ANKS1B: variants seen among roughly 807,000 people sequenced by gnomAD.
ANKS1B encodes the protein ankyrin repeat and sterile alpha motif domain containing 1B.
ANKS1B carries 36 observed loss-of-function variants against 148.3 expected under a neutral mutation model. That is an observed-to-expected ratio of 0.24 (90% CI 0.19 to 0.32). The LOEUF (loss-of-function observed/expected upper bound fraction) is 0.32, where lower values mean the gene tolerates loss of function less well. ANKS1B is among the 10% of genes least tolerant of loss of function. The pLI, the probability that ANKS1B is intolerant of heterozygous loss-of-function variation, is 1.00. For synonymous variants in ANKS1B, 542 were observed against 560.8 expected, an observed-to-expected ratio of 0.97 and a Z score of 0.47; for missense variants, 1,157 against 1,542.6, an observed-to-expected ratio of 0.75 and a Z score of 4.19.
chr12:99,664,921 G>C (rs2153458456), intron 8 of ANKS1B, among the ~76,000 whole-genome samples: 1 of 152,280 alleles, frequency 6.6e-6, no homozygotes, highest in East Asian at 1.9e-4. Flanking sequence ...TAATGTTTTT[G>C]AGATTCATTC....
chr12:99,357,232 A>C (rs1307709507), intron 12 of ANKS1B, among the ~76,000 whole-genome samples: 1 of 152,104 alleles, frequency 6.6e-6, no homozygotes, highest in East Asian at 1.9e-4. Context: ...TGTTACTATA[A>C]GTTTTTGGAA....
intron 1 of ANKS1B, among the ~76,000 whole-genome samples, chr12:99,965,753 G>A (rs1296712406): frequency 1.3e-5 from 2 of 151,988 alleles, no homozygotes; most frequent in Non-Finnish European, 2.9e-5. Context: ...GTGAAACCCC[G>A]TCTCTACTAA....
chr12:99,287,333 C>A (rs758009516), intron 12 of ANKS1B, among the ~76,000 whole-genome samples: 10 of 152,084 alleles, frequency 6.6e-5, no homozygotes, highest in Non-Finnish European at 1.3e-4. Context: ...TGTAAGAGTC[C>A]CAGTGTTACT....
chr12:99,298,878 T>A (rs1182646313), intron 12 of ANKS1B, among the ~76,000 whole-genome samples: 1 of 152,212 alleles, frequency 6.6e-6, no homozygotes, highest in Admixed American at 6.5e-5. Flanking sequence ...ACCAGGGCAA[T>A]GAGACTGAAA....
chr12:99,927,147 G>C (rs1481148055), intron 1 of ANKS1B, among the ~76,000 whole-genome samples: 2 of 150,442 alleles, frequency 1.3e-5, no homozygotes, highest in African/African-American at 2.4e-5. Flanking sequence ...CTGAAACAGA[G>C]GTAAAAGCTG....
At chr12:99,941,348 A>G (rs1053084873) in intron 1 of ANKS1B, among the ~76,000 whole-genome samples, 7 of 152,132 alleles carry the variant, frequency 4.6e-5, no homozygotes, top group Non-Finnish European at 1.0e-4. Flanking sequence ...TCTAAAAGTA[A>G]TGTACATGGC....
chr12:98,795,026 A>G, intron 22 of ANKS1B: 2 of 746,558 alleles, frequency 2.7e-6, no homozygotes, highest in South Asian at 3.0e-5. Flanking sequence ...TGGAGACTTG[A>G]AACTGCTAAA....
chr12:99,737,816 T>C (rs1025820723), intron 8 of ANKS1B, among the ~76,000 whole-genome samples: 1 of 152,202 alleles, frequency 6.6e-6, no homozygotes, highest in South Asian at 2.1e-4. Context: ...CTTTTAGTTC[T>C]AGCAATTCAA....
chr12:99,575,466 G>A (rs964407368), intron 9 of ANKS1B, among the ~76,000 whole-genome samples: 1 of 152,046 alleles, frequency 6.6e-6, no homozygotes, highest in African/African-American at 2.4e-5. Context: ...ACCCAAGACT[G>A]GGTAATTTAT....
intron 11 of ANKS1B, among the ~76,000 whole-genome samples, chr12:99,410,726 A>G (rs1162520648): frequency 6.6e-6 from 1 of 152,162 alleles, no homozygotes; most frequent in Non-Finnish European, 1.5e-5. Flanking sequence ...GAGGAGGTAA[A>G]GTTGAACAGA....
downstream of ANKS1B, among the ~76,000 whole-genome samples, chr12:98,741,815 A>G (rs893473554): frequency 3.3e-5 from 5 of 152,310 alleles, no homozygotes; most frequent in East Asian, 3.9e-4. Context: ...AAATGTCAGA[A>G]AACAGCTGAT....
Position 99,965,780 on chromosome 12 carries a change from C to T in ANKS1B, c.134+18324G>A, listed in dbSNP as rs183214890. Among the ~76,000 whole-genome samples the T allele has an allele frequency of 8.5e-5, 13 of 152,192 alleles. No homozygotes were observed. The East Asian group carries it at 1.2e-3, about 14-fold the overall frequency. The stretch of plus-strand genomic sequence containing the variant: ...CTCTACTAAAAATACAAAAATTAGG[C>T]GCATATTTGTAGTCCCAGCTACTCA... On this transcript the variant is annotated intron_variant, in intron 1 of 26. Transcript: ENST00000683438.
At chr12:99,718,156 TC>T (rs1268905523) in intron 8 of ANKS1B, among the ~76,000 whole-genome samples, 2 of 152,052 alleles carry the variant, frequency 1.3e-5, no homozygotes, top group African/African-American at 4.8e-5. Flanking sequence ...CGCCTCTGCT[TC>T]CCAAAGTGCT....
chr12:99,184,387 T>G (rs930517686), intron 14 of ANKS1B, among the ~76,000 whole-genome samples: 1 of 152,116 alleles, frequency 6.6e-6, no homozygotes, highest in African/African-American at 2.4e-5. Flanking sequence ...GGAGGTACAG[T>G]TTAGCTCCAT....
chr12:99,708,145 C>G (rs77377769), intron 8 of ANKS1B, among the ~76,000 whole-genome samples: 2 of 152,120 alleles, frequency 1.3e-5, no homozygotes, highest in East Asian at 1.9e-4. Flanking sequence ...AAAGAAACAT[C>G]TGAAATTCAA....
At position 99,207,407 on chromosome 12, in the gene ANKS1B, AAAACT is replaced by A. The variant is rs368179701; in HGVS notation, c.2419+36930_2419+36934del. On this transcript the variant is annotated intron_variant, in intron 14 of 26. Transcript: ENST00000683438. Reference sequence around the variant, plus strand: ...TTATGAAATATCAGTCATTCTTAACAAAACTAAAGTATTAAAATATTAATTGCTGA... The same window carrying A: ...TTATGAAATATCAGTCATTCTTAACAAAAGTATTAAAATATTAATTGCTGA... Among the ~76,000 whole-genome samples the A allele has an allele frequency of 6.0e-3, 918 of 152,254 alleles. 14 individuals are homozygous for A. Among genetic ancestry groups the A allele is most frequent in the South Asian group, 0.048 (232 of 4,828 alleles).
At chr12:99,933,499 G>C (rs537652420) in intron 1 of ANKS1B, among the ~76,000 whole-genome samples, 1 of 151,886 alleles carries the variant, frequency 6.6e-6, no homozygotes, top group Non-Finnish European at 1.5e-5. Flanking sequence ...GTTTATTCCT[G>C]GGTATTTTTT....
chr12:99,236,063 T>A (rs1196200374), intron 14 of ANKS1B, among the ~76,000 whole-genome samples: 1 of 152,208 alleles, frequency 6.6e-6, no homozygotes, highest in Non-Finnish European at 1.5e-5. Flanking sequence ...AGCCGAGGAA[T>A]CTTCATTTTT....
At chr12:99,641,270 C>T (rs2098301561) in intron 9 of ANKS1B, among the ~76,000 whole-genome samples, 1 of 152,138 alleles carries the variant, frequency 6.6e-6, no homozygotes, top group South Asian at 2.1e-4. Context: ...ATCCTACAAA[C>T]AAACAGGAAC....
Sources: allele counts gnomAD v4.1 joint callset (sites outside exome capture counted in the v4.1 genomes callset), GRCh38; gene constraint gnomAD v4.1.1; transcripts MANE v1.5; gene names NCBI Gene and HGNC (gene_info 2026-07-23, HGNC 2026-07-21).